The following EMCN variants were observed in gnomAD, a reference collection of about 807,000 sequenced individuals.
EMCN encodes MUC-14.
A neutral mutation model predicts 38.4 loss-of-function variants in EMCN; 37 were observed. That is an observed-to-expected ratio of 0.96 (90% CI 0.74 to 1.27). The LOEUF is 1.27. Ranked by LOEUF, EMCN falls within the 50% of genes most tolerant of loss-of-function variation. The probability of loss-of-function intolerance (pLI) is 0.00; values close to 1 mark genes in which losing one functional copy is unlikely to be tolerated. For synonymous variants in EMCN, 95 were observed against 100.8 expected, an observed-to-expected ratio of 0.94 and a Z score of 0.35; for missense variants, 318 against 302.8, an observed-to-expected ratio of 1.05 and a Z score of -0.37.
intron 1 of EMCN, among the ~76,000 whole-genome samples, chr4:100,482,470 T>G (rs1317788312): frequency 6.6e-6 from 1 of 152,176 alleles, no homozygotes; most frequent in Non-Finnish European, 1.5e-5. Flanking sequence ...GAATACTTCA[T>G]GCTAGGAGCT....
Position 100,517,975 on chromosome 4 carries a change from C to A in EMCN, c.-61G>T. 1 of 1,555,172 alleles carries A rather than the reference C, an allele frequency of 6.4e-7. No individual in the cohort carries two copies. The highest frequency in any genetic ancestry group is 8.9e-7 in the Non-Finnish European group (1 of 1,127,088). ...AGAAGCAGGCAGGGACAATTCCCTCCCAGCCTGGCAGGGCCTTATTAGCAA... is the reference window on the plus strand; with the variant it reads ...AGAAGCAGGCAGGGACAATTCCCTCACAGCCTGGCAGGGCCTTATTAGCAA... On this transcript the variant is annotated 5_prime_UTR_variant, in exon 1 of 12. Coordinates refer to ENST00000296420, the MANE Select transcript of EMCN (RefSeq NM_016242.4).
In EMCN at chr4:100,410,279, T is replaced by G. The variant is rs1331581086; in HGVS notation, c.*39+3A>C. ...TCTCCGTGAATGAAATTGGGAAACT[T>G]ACGTAATTATTGCCTAGGTGTGGAG... On this transcript the variant is annotated splice_donor_region_variant and intron_variant, in intron 11 of 11. Coordinates refer to ENST00000296420, the MANE Select transcript of EMCN (RefSeq NM_016242.4). 3 of 1,589,936 alleles carry G rather than the reference T, an allele frequency of 1.9e-6. No individual in the cohort carries two copies. Among genetic ancestry groups the G allele is most frequent in the Non-Finnish European group, 2.6e-6 (3 of 1,158,320 alleles).
At chr4:100,434,834 G>A (rs112012019) in intron 5 of EMCN, among the ~76,000 whole-genome samples, 2,063 of 152,172 alleles carry the variant, frequency 0.014, 50 homozygotes, top group African/African-American at 0.047. Context: ...ATCCCTTTAT[G>A]TTAAAAACTC....
chr4:100,458,129 T>A (rs1049363627), intron 4 of EMCN, among the ~76,000 whole-genome samples: 1 of 152,046 alleles, frequency 6.6e-6, no homozygotes, highest in African/African-American at 2.4e-5. Flanking sequence ...AAAAAAAGTG[T>A]TTCCTTCTCT....
chr4:100,482,050 A>G (rs141319743), intron 1 of EMCN, among the ~76,000 whole-genome samples: 395 of 152,282 alleles, frequency 2.6e-3, no homozygotes, highest in Non-Finnish European at 4.5e-3. Flanking sequence ...ATCACATGAT[A>G]TCAAACATTA....
chr4:100,435,609 C>T (rs1365661209), intron 5 of EMCN, among the ~76,000 whole-genome samples: 2 of 151,956 alleles, frequency 1.3e-5, no homozygotes, highest in Non-Finnish European at 2.9e-5. Context: ...GAGGCATCAC[C>T]CTACCTGACT....
chr4:100,415,756 G>A, intron 10 of EMCN, 142 bp downstream of exon 10: 1 of 566,378 alleles, frequency 1.8e-6, no homozygotes, highest in South Asian at 2.4e-5. Context: ...CTTCATGGGA[G>A]AATTTTACAC....
intron 1 of EMCN, among the ~76,000 whole-genome samples, chr4:100,508,609 G>T (rs1729544788): frequency 6.6e-6 from 1 of 152,158 alleles, no homozygotes; most frequent in Non-Finnish European, 1.5e-5. Flanking sequence ...AGACTTCAGA[G>T]TTGGAAAGGC....
chr4:100,424,412 G>T (rs1044757035), intron 5 of EMCN, among the ~76,000 whole-genome samples: 2 of 152,010 alleles, frequency 1.3e-5, no homozygotes, highest in African/African-American at 2.4e-5. Flanking sequence ...GTCAAATGTA[G>T]CTGACACTAA....
At chr4:100,465,821 A>T (rs983435930) in intron 3 of EMCN, among the ~76,000 whole-genome samples, 1 of 152,172 alleles carries the variant, frequency 6.6e-6, no homozygotes, top group Admixed American at 6.5e-5. Flanking sequence ...ATGATTTTAT[A>T]TATAAGACTC....
At chr4:100,425,190 C>T (rs1727012096) in intron 5 of EMCN, among the ~76,000 whole-genome samples, 1 of 148,602 alleles carries the variant, frequency 6.7e-6, no homozygotes, top group Non-Finnish European at 1.5e-5. Flanking sequence ...CACACAATTA[C>T]TGCTCATGAT....
chr4:100,428,013 G>A (rs1727097949), intron 5 of EMCN, among the ~76,000 whole-genome samples: 1 of 151,920 alleles, frequency 6.6e-6, no homozygotes, highest in South Asian at 2.1e-4. Flanking sequence ...CATCTACTCT[G>A]TGATCACCCT....
In EMCN at chr4:100,480,042, G is replaced by T; in HGVS notation, c.65-3C>A. On this transcript the variant is annotated splice_polypyrimidine_tract_variant and splice_region_variant and intron_variant, in intron 1 of 11. Coordinates refer to ENST00000296420, the MANE Select transcript of EMCN (RefSeq NM_016242.4). Reference sequence around the variant, plus strand: ...ATTATTAGCTGCCTCTAAAACACCTGAAAAAAGTAAAGTAGTTGCATTAAC... The same window carrying T: ...ATTATTAGCTGCCTCTAAAACACCTTAAAAAAGTAAAGTAGTTGCATTAAC... 1 of 1,600,804 alleles carries T rather than the reference G, an allele frequency of 6.2e-7. No individual in the cohort carries two copies. The highest frequency in any genetic ancestry group is 1.1e-5 in the South Asian group (1 of 88,288).
chr4:100,452,486 C>T (rs184658933), intron 4 of EMCN, among the ~76,000 whole-genome samples: 3 of 152,014 alleles, frequency 2.0e-5, no homozygotes, highest in Admixed American at 6.6e-5. Context: ...ATTGGAGTTC[C>T]GCACATCCCA....
At chr4:100,404,593 A>G (rs975962628) in intron 11 of EMCN, among the ~76,000 whole-genome samples, 5 of 152,106 alleles carry the variant, frequency 3.3e-5, no homozygotes, top group Non-Finnish European at 5.9e-5. Context: ...TATCAGTATC[A>G]TACTGTACTA....
rs905432404 is a variant in EMCN, at chr4:100,509,425, T to A, written c.64+8426A>T. ...ACTCTGTGCATTTAAAAAAGGTGAG[T>A]CCCACTTTTAAAAACTGGGTTTGCA... On this transcript the variant is annotated intron_variant, in intron 1 of 11. Coordinates refer to ENST00000296420, the MANE Select transcript of EMCN (RefSeq NM_016242.4). Among the ~76,000 whole-genome samples the A allele has an allele frequency of 4.6e-5, 7 of 152,116 alleles. 1 individual carries two copies. In the East Asian group the frequency reaches 1.3e-3, roughly 29 times the overall value.
At chr4:100,501,855 G>GTT (rs201524832) in intron 1 of EMCN, among the ~76,000 whole-genome samples, 117 of 144,870 alleles carry the variant, frequency 8.1e-4, no homozygotes, top group Admixed American at 2.8e-3. Flanking sequence ...ATTCTAGTGG[G>GTT]TTTTTTTTTT....
intron 2 of EMCN, among the ~76,000 whole-genome samples, chr4:100,479,662 T>C (rs1406722484): frequency 3.9e-5 from 6 of 152,072 alleles, no homozygotes; most frequent in African/African-American, 9.7e-5. Flanking sequence ...AAATAAACTT[T>C]GTGTATGTAA....
At chr4:100,448,491 C>T (rs1207624881) in intron 4 of EMCN, among the ~76,000 whole-genome samples, 3 of 152,078 alleles carry the variant, frequency 2.0e-5, no homozygotes, top group African/African-American at 4.8e-5. Flanking sequence ...CAAAACAAAA[C>T]GTCAGTAGCC....
Sources: gnomAD v4.1 joint callset for allele counts (sites outside exome capture counted in the v4.1 genomes callset) on GRCh38, gnomAD v4.1.1 for gene constraint, MANE v1.5 for transcripts, NCBI Gene and HGNC (gene_info 2026-07-23, HGNC 2026-07-21) for gene names.